IMMP2L: variants seen among roughly 807,000 people sequenced by gnomAD.
IMMP2L encodes the protein inner mitochondrial membrane peptidase subunit 2.
IMMP2L carries 18 observed loss-of-function variants against 19.3 expected under a neutral mutation model. The ratio of observed to expected loss-of-function variants is 0.93; its 90% CI spans 0.64 to 1.38. The LOEUF (loss-of-function observed/expected upper bound fraction) is 1.38. IMMP2L is among the 40% of genes most tolerant of loss of function. IMMP2L has a pLI of 0.00. For synonymous variants in IMMP2L, 76 were observed against 73.0 expected, an observed-to-expected ratio of 1.04 and a Z score of -0.21; for missense variants, 233 against 218.2, an observed-to-expected ratio of 1.07 and a Z score of -0.43.
rs373392440 is a variant in IMMP2L, at chr7:111,049,279, C to T, written c.240-85714G>A. ...CCGAGTAGCTGGGACTACAGGCGCC[C>T]GCCACTACGCCCGGCTAATTTTTTT... On this transcript the variant is annotated intron_variant, in intron 3 of 5. Transcript: ENST00000405709. Among the ~76,000 whole-genome samples the T allele has an allele frequency of 7.5e-4, 114 of 151,484 alleles. 4 individuals are homozygous for T. In the South Asian group the frequency reaches 0.02, roughly 27 times the overall value.
rs923272769 is a variant in IMMP2L at position 111,392,977 on chromosome 7, AG to A, written c.239+94260del. 5 of 384,726 alleles carry A rather than the reference AG, an allele frequency of 1.3e-5. No individual in the cohort carries two copies. The Admixed American group carries it at 1.3e-4, about 10-fold the overall frequency. The allele number at this position is 384,726 out of a possible 1,614,324, so 23.8% of individuals were successfully genotyped here. A position where few individuals can be genotyped will look rare whatever the true frequency, so the allele number is the denominator to read the frequency against. Reference sequence around the variant, plus strand: ...TAAAAGTCTCAGAACCCAAGCATTTAGGGGTTTTTGTGGAGGCTGCATTACA... The same window carrying A: ...TAAAAGTCTCAGAACCCAAGCATTTAGGGTTTTTGTGGAGGCTGCATTACA... On this transcript the variant is annotated intron_variant, in intron 3 of 5. Coordinates refer to ENST00000405709, the MANE Select transcript of IMMP2L (RefSeq NM_032549.4).
In IMMP2L at chr7:111,464,338, C is replaced by T. The variant is rs565967596; in HGVS notation, c.239+22900G>A. Reference sequence around the variant, plus strand: ...AAATATTTAAAAATGAAAACATTAGCCATGCATGGTAGTGTTGACCTGCAG... The same window carrying T: ...AAATATTTAAAAATGAAAACATTAGTCATGCATGGTAGTGTTGACCTGCAG... On this transcript the variant is annotated intron_variant, in intron 3 of 5. Coordinates refer to ENST00000405709, the MANE Select transcript of IMMP2L (RefSeq NM_032549.4). 7.8e-4 allele frequency among the ~76,000 whole-genome samples: 119 copies of T among 152,160 alleles called. 1 individual carries two copies. Among genetic ancestry groups the T allele is most frequent in the African/African-American group, 2.8e-3 (115 of 41,504 alleles).
chr7:111,369,773 T>C (rs1355439126), intron 3 of IMMP2L, among the ~76,000 whole-genome samples: 3 of 151,938 alleles, frequency 2.0e-5, no homozygotes, highest in Admixed American at 6.6e-5. Context: ...ATAAAAGTTT[T>C]ATCTCCCTAG....
chr7:110,825,707 A>C (rs951703058), intron 5 of IMMP2L, among the ~76,000 whole-genome samples: 5 of 152,306 alleles, frequency 3.3e-5, no homozygotes, highest in East Asian at 3.9e-4. Context: ...TAAAGACTTA[A>C]ATGTTAGACC....
chr7:111,556,941 G>C (rs1031016976), intron 1 of IMMP2L, among the ~76,000 whole-genome samples: 2 of 152,010 alleles, frequency 1.3e-5, no homozygotes, highest in Non-Finnish European at 1.5e-5. Flanking sequence ...GTTAAACACA[G>C]GTCCAAAGTT....
At chr7:110,954,515 A>G (rs1818171224) in intron 4 of IMMP2L, among the ~76,000 whole-genome samples, 1 of 152,076 alleles carries the variant, frequency 6.6e-6, no homozygotes, top group Admixed American at 6.6e-5. Flanking sequence ...ATACTTACTG[A>G]ACACATTTAA....
intron 2 of IMMP2L, among the ~76,000 whole-genome samples, chr7:111,516,681 T>G (rs951246707): frequency 1.3e-5 from 2 of 152,136 alleles, no homozygotes; most frequent in Non-Finnish European, 2.9e-5. Context: ...ACACGTTTGT[T>G]GCTATAAATA....
chr7:111,476,776 G>A (rs1468184143), intron 3 of IMMP2L, among the ~76,000 whole-genome samples: 3 of 152,122 alleles, frequency 2.0e-5, no homozygotes, highest in Admixed American at 6.5e-5. Context: ...TTCAAAGGCT[G>A]TAACAATGTG....
chr7:111,443,300 G>A (rs1036080401), intron 3 of IMMP2L, among the ~76,000 whole-genome samples: 4 of 149,628 alleles, frequency 2.7e-5, no homozygotes, highest in African/African-American at 1.0e-4. Context: ...ATTTTCAAAT[G>A]CAATAAGTTA....
At chr7:110,719,769 CA>C (rs1239573523) in intron 5 of IMMP2L, among the ~76,000 whole-genome samples, 1 of 152,164 alleles carries the variant, frequency 6.6e-6, no homozygotes, top group Non-Finnish European at 1.5e-5. Flanking sequence ...AAGAAGCTGT[CA>C]ATTCAGGCCC....
rs1030138319 is a variant in IMMP2L, at chr7:110,728,871, T to C, written c.409-65150A>G. Among the ~76,000 whole-genome samples the C allele has an allele frequency of 6.6e-6, 1 of 152,154 alleles. No individual in the cohort carries two copies. The highest frequency in any genetic ancestry group is 2.4e-5 in the African/African-American group (1 of 41,426). On this transcript the variant is annotated intron_variant, in intron 5 of 5. Transcript: ENST00000405709. The surrounding 1 kb of genome is among the most constrained non-coding windows in gnomAD (Gnocchi z 4.6). ...TGTCCATGGTAATACAAATAGTATATGGTAGAAGTGGGATAAACAGTTGTA... is the reference window on the plus strand; with the variant it reads ...TGTCCATGGTAATACAAATAGTATACGGTAGAAGTGGGATAAACAGTTGTA...
chr7:111,499,180 CCT>C lies in IMMP2L; in HGVS notation c.136-11841_136-11840del, dbSNP rs1475359628. ...CTCCCTCGTGTAAGCATCTACCAAG[CCT>C]CTGTTTGCGTATTTGCTGATATTCC... On this transcript the variant is annotated intron_variant, in intron 2 of 5. Transcript: ENST00000405709. 3.0e-4 allele frequency among the ~76,000 whole-genome samples: 46 copies of C among 152,206 alleles called. No individual in the cohort carries two copies. The Middle Eastern group carries it at 0.017, about 56-fold the overall frequency.
intron 5 of IMMP2L, among the ~76,000 whole-genome samples, chr7:110,714,259 T>C (rs913080171): frequency 1.3e-5 from 2 of 152,218 alleles, no homozygotes; most frequent in African/African-American, 4.8e-5. Flanking sequence ...CAAACTTGCA[T>C]CCTAGGAATG....
chr7:111,386,489 T>C (rs1410435607), intron 3 of IMMP2L, among the ~76,000 whole-genome samples: 3 of 152,166 alleles, frequency 2.0e-5, no homozygotes, highest in Non-Finnish European at 4.4e-5. Flanking sequence ...AGAATATTTC[T>C]AAGCATGCCA....
intron 3 of IMMP2L, among the ~76,000 whole-genome samples, chr7:111,154,612 A>G (rs1444087619): frequency 6.6e-6 from 1 of 152,206 alleles, no homozygotes; most frequent in East Asian, 1.9e-4. Context: ...CTTGGAATGT[A>G]AGAGCCTCAT....
intron 3 of IMMP2L, among the ~76,000 whole-genome samples, chr7:111,321,473 T>A (rs1026460432): frequency 4.0e-5 from 6 of 151,896 alleles, no homozygotes; most frequent in African/African-American, 1.4e-4. Flanking sequence ...ATGTCTCAAA[T>A]TAAATGCAAA....
At chr7:110,714,108 C>A (rs886632806) in intron 5 of IMMP2L, among the ~76,000 whole-genome samples, 1 of 152,078 alleles carries the variant, frequency 6.6e-6, no homozygotes, top group Non-Finnish European at 1.5e-5. Flanking sequence ...TCCTTTAATG[C>A]CTAGTTTCTT....
chr7:111,143,784 C>T (rs762644608), intron 3 of IMMP2L, among the ~76,000 whole-genome samples: 2 of 152,070 alleles, frequency 1.3e-5, no homozygotes, highest in Non-Finnish European at 2.9e-5. Context: ...GTGCTATCTA[C>T]GTGAGAAAAT....
chr7:110,921,109 G>A (rs1330770435), intron 4 of IMMP2L, among the ~76,000 whole-genome samples: 1 of 152,118 alleles, frequency 6.6e-6, no homozygotes, highest in Admixed American at 6.6e-5. Flanking sequence ...ATTTATTTTT[G>A]TTTATGTTTT....
Sources: gnomAD v4.1 joint callset for allele counts (sites outside exome capture counted in the v4.1 genomes callset) on GRCh38, gnomAD v4.1.1 for gene constraint, Gnocchi (gnomAD v3.1) non-coding constraint, MANE v1.5 for transcripts, NCBI Gene and HGNC (gene_info 2026-07-23, HGNC 2026-07-21) for gene names.